TNFRSF10D: variants seen among roughly 807,000 people sequenced by gnomAD.
TNFRSF10D encodes tumor necrosis factor receptor superfamily member 10D.
A neutral mutation model predicts 42.1 loss-of-function variants in TNFRSF10D; 28 were observed. The ratio of observed to expected loss-of-function variants is 0.66; its 90% CI spans 0.49 to 0.91. The LOEUF (loss-of-function observed/expected upper bound fraction) is 0.91. Ranked by LOEUF, TNFRSF10D falls within the 40% of genes least tolerant of loss-of-function variation. The probability of loss-of-function intolerance (pLI) is 0.00; values close to 1 mark genes in which losing one functional copy is unlikely to be tolerated. For missense variants in TNFRSF10D, 503 were observed against 486.1 expected (o/e 1.03, Z -0.33); for synonymous variants, 186 against 189.4 (o/e 0.98, Z 0.15).
chr8:23,147,372 G>A (rs1290574360), intron 3 of TNFRSF10D, among the ~76,000 whole-genome samples: 1 of 152,250 alleles, frequency 6.6e-6, no homozygotes, highest in Non-Finnish European at 1.5e-5. Flanking sequence ...TGCAAGGAGA[G>A]GGGCCCTTGG....
intron 2 of TNFRSF10D, among the ~76,000 whole-genome samples, chr8:23,151,569 CA>C (rs1325548113): frequency 6.6e-6 from 1 of 151,732 alleles, no homozygotes; most frequent in Non-Finnish European, 1.5e-5. Context: ...GTTAAAAGCC[CA>C]ATGTATTTTT....
At chr8:23,146,103 C>A (rs1186412494) in intron 4 of TNFRSF10D, among the ~76,000 whole-genome samples, 182 bp from the exon 5 acceptor site, 2 of 152,222 alleles carry the variant, frequency 1.3e-5, no homozygotes, top group Non-Finnish European at 2.9e-5. Flanking sequence ...TGAGCATGCA[C>A]ACTTCAGCCC....
chr8:23,163,678 G>C, intron 1 of TNFRSF10D, 108 bp downstream of exon 1: 1 of 1,501,482 alleles, frequency 6.7e-7, no homozygotes, highest in South Asian at 1.2e-5. Flanking sequence ...GACATGCCCG[G>C]CCGCAGGCGA....
intron 7 of TNFRSF10D, among the ~76,000 whole-genome samples, chr8:23,139,245 C>G (rs1052792856): frequency 6.7e-6 from 1 of 149,568 alleles, no homozygotes; most frequent in African/African-American, 2.6e-5. Flanking sequence ...TGAAGAGGAA[C>G]ACAAATCACA....
intron 4 of TNFRSF10D, 41 bp downstream of exon 4, chr8:23,146,920 G>C (rs1800128573): frequency 2.0e-6 from 3 of 1,537,604 alleles, no homozygotes; most frequent in South Asian, 2.2e-5. Context: ...GGTCTTTTCA[G>C]GTTCCTGAAA....
intron 1 of TNFRSF10D, among the ~76,000 whole-genome samples, chr8:23,162,534 A>G (rs4872066): frequency 0.17 from 26,022 of 151,894 alleles, 2,978 homozygotes; most frequent in East Asian, 0.59. Flanking sequence ...ATTACGTAAG[A>G]AACCTTAGAA....
intron 7 of TNFRSF10D, among the ~76,000 whole-genome samples, chr8:23,139,335 T>C (rs1400275268): frequency 6.6e-6 from 1 of 152,158 alleles, no homozygotes; most frequent in African/African-American, 2.4e-5. Flanking sequence ...AAATATTCAG[T>C]GTTTCTAGAT....
chr8:23,152,311 C>T (rs753669973), intron 2 of TNFRSF10D, among the ~76,000 whole-genome samples: 2 of 152,188 alleles, frequency 1.3e-5, no homozygotes, highest in African/African-American at 4.8e-5. Context: ...AGGACACTAA[C>T]CGGTGTGTGG....
chr8:23,149,574 A>C (rs1800188187), intron 2 of TNFRSF10D, among the ~76,000 whole-genome samples: 1 of 151,902 alleles, frequency 6.6e-6, no homozygotes, highest in Non-Finnish European at 1.5e-5. Context: ...AATAAAATAA[A>C]ATAACAAAAT....
At chr8:23,146,473 C>T (rs1281829549) in intron 4 of TNFRSF10D, among the ~76,000 whole-genome samples, 2 of 152,154 alleles carry the variant, frequency 1.3e-5, no homozygotes, top group African/African-American at 4.8e-5. Flanking sequence ...CTCATGGGAA[C>T]TTAAGGGAGC....
At chr8:23,145,025 C>G (rs777236355) in intron 6 of TNFRSF10D, 33 bp downstream of exon 6, 2 of 1,614,070 alleles carry the variant, frequency 1.2e-6, no homozygotes, top group East Asian at 2.2e-5. Flanking sequence ...CCTGAACCCA[C>G]GAAGCCCCCA....
Position 23,161,704 on chromosome 8 carries a change from C to T in TNFRSF10D, c.150+2082G>A, listed in dbSNP as rs553324390. ...AAGTACATAACAATGTGATGAATCACCTTTTACTTCCTAGACTAGCAACGA... is the reference window on the plus strand; with the variant it reads ...AAGTACATAACAATGTGATGAATCATCTTTTACTTCCTAGACTAGCAACGA... On this transcript the variant is annotated intron_variant, in intron 1 of 8. Transcript: ENST00000312584. 6.9e-3 allele frequency among the ~76,000 whole-genome samples: 1,041 copies of T among 151,608 alleles called. 2 individuals carry two copies. Among genetic ancestry groups the T allele is most frequent in the South Asian group, 0.02 (96 of 4,776 alleles).
chr8:23,153,228 G>T (rs749749487), intron 2 of TNFRSF10D, among the ~76,000 whole-genome samples: 22 of 152,076 alleles, frequency 1.4e-4, no homozygotes, highest in Non-Finnish European at 3.1e-4. Context: ...ACTCAACATG[G>T]ACTAAAGATT....
chr8:23,142,562 T>C (rs1800045628), intron 7 of TNFRSF10D, among the ~76,000 whole-genome samples: 1 of 152,038 alleles, frequency 6.6e-6, no homozygotes, highest in Admixed American at 6.5e-5. Context: ...CTTACGACCA[T>C]AAAGATGGCA....
intron 2 of TNFRSF10D, among the ~76,000 whole-genome samples, chr8:23,149,717 G>A (rs1202911374): frequency 2.0e-5 from 3 of 152,008 alleles, no homozygotes; most frequent in African/African-American, 7.3e-5. Flanking sequence ...CATTCCTAGG[G>A]AGGCTGCTCA....
intron 1 of TNFRSF10D, among the ~76,000 whole-genome samples, chr8:23,160,575 TG>T (rs1800353023): frequency 1.3e-5 from 2 of 152,118 alleles, no homozygotes; most frequent in African/African-American, 4.8e-5. Context: ...TCATGTCCCC[TG>T]GTTGTTAGGA....
Position 23,136,648 on chromosome 8 carries a change from T to C in TNFRSF10D, c.*1222A>G, listed in dbSNP as rs1199101002. 6.5e-6 allele frequency: 1 copy of C among 152,686 alleles called. No individual in the cohort carries two copies. Among genetic ancestry groups the C allele is most frequent in the African/African-American group, 2.4e-5 (1 of 41,450 alleles). 9.5% of individuals were successfully genotyped at this position (152,686 alleles called of 1,614,324 possible). A position where few individuals can be genotyped will look rare whatever the true frequency, so the allele number is the denominator to read the frequency against. ...CTTCGCAGTCTCGGATCTAACTTAATTCTCACTGTCCTCATCTGCTGTGGA... is the reference window on the plus strand; with the variant it reads ...CTTCGCAGTCTCGGATCTAACTTAACTCTCACTGTCCTCATCTGCTGTGGA... On this transcript the variant is annotated 3_prime_UTR_variant, in exon 9 of 9. Transcript: ENST00000312584.
At position 23,159,003 on chromosome 8, in the gene TNFRSF10D, T is replaced by C. The variant is rs574806023; in HGVS notation, c.151-4024A>G. On this transcript the variant is annotated intron_variant, in intron 1 of 8. Transcript: ENST00000312584. The stretch of plus-strand genomic sequence containing the variant: ...GTCCCCAGCAATGCTTCTTCTGCTT[T>C]TTATCACAATAGATTAGTTGTATTT... Among the ~76,000 whole-genome samples, 6 of 152,336 alleles carry C rather than the reference T, an allele frequency of 3.9e-5. No individual in the cohort carries two copies. In the South Asian group the frequency reaches 1.2e-3, roughly 32 times the overall value.
At chr8:23,147,614 G>T (rs2128837282) in intron 3 of TNFRSF10D, among the ~76,000 whole-genome samples, 1 of 152,282 alleles carries the variant, frequency 6.6e-6, no homozygotes, top group Admixed American at 6.5e-5. Context: ...AGATTTCCCA[G>T]CCTGGTGGCA....
Sources: allele counts gnomAD v4.1 joint callset (sites outside exome capture counted in the v4.1 genomes callset), GRCh38; gene constraint gnomAD v4.1.1; transcripts MANE v1.5; gene names NCBI Gene and HGNC (gene_info 2026-07-23, HGNC 2026-07-21).